Variants in SPTLC2 observed in about 807,000 individuals in gnomAD.
SPTLC2 encodes the protein serine palmitoyltransferase 2.
SPTLC2 carries 21 observed loss-of-function variants against 62.0 expected under a neutral mutation model. The observed-to-expected ratio is 0.34, with a 90% CI of 0.24 to 0.49. The LOEUF (loss-of-function observed/expected upper bound fraction) is 0.49. Ranked by LOEUF, SPTLC2 falls within the 20% of genes least tolerant of loss-of-function variation. SPTLC2 has a pLI of 0.99. For synonymous variants in SPTLC2, 261 were observed against 261.8 expected, an observed-to-expected ratio of 1.00 and a Z score of 0.03; for missense variants, 511 against 713.0, an observed-to-expected ratio of 0.72 and a Z score of 3.23.
At chr14:77,548,607 A>G (rs1459802575) in intron 9 of SPTLC2, among the ~76,000 whole-genome samples, 1 of 152,192 alleles carries the variant, frequency 6.6e-6, no homozygotes, top group Non-Finnish European at 1.5e-5. Context: ...TGTGCTCAGT[A>G]TTCCCACTCC....
At position 77,569,839 on chromosome 14, in the gene SPTLC2, C is replaced by CTATATATATTATATAAAATATT; in HGVS notation, c.756+544_756+545insAATATTTTATATAATATATATA. Among the ~76,000 whole-genome samples, 47 of 80,954 alleles carry CTATATATATTATATAAAATATT rather than the reference C, an allele frequency of 5.8e-4. 1 individual carries two copies. The highest frequency in any genetic ancestry group is 2.1e-3 in the Admixed American group (12 of 5,582). 53.1% of individuals were successfully genotyped at this position (80,954 alleles called of 152,430 possible). Reference sequence around the variant, plus strand: ...ATATGTTATATATATATATAATATACAATATTATATATATGTATATAAATA... The same window carrying CTATATATATTATATAAAATATT: ...ATATGTTATATATATATATAATATACTATATATATTATATAAAATATTAATATTATATATATGTATATAAATA... On this transcript the variant is annotated intron_variant, in intron 5 of 11. Coordinates refer to ENST00000216484, the MANE Select transcript of SPTLC2 (RefSeq NM_004863.4).
intron 7 of SPTLC2, among the ~76,000 whole-genome samples, 181 bp downstream of exon 7, chr14:77,556,860 C>T (rs918226038): frequency 5.3e-5 from 8 of 152,126 alleles, no homozygotes; most frequent in Non-Finnish European, 1.2e-4. Flanking sequence ...GAAAGAATAA[C>T]GAAGAACTAG....
At chr14:77,516,751 A>G (rs907586701) in intron 11 of SPTLC2, among the ~76,000 whole-genome samples, 3 of 152,228 alleles carry the variant, frequency 2.0e-5, no homozygotes, top group Non-Finnish European at 4.4e-5. Flanking sequence ...TCGACATGGA[A>G]AAATTTGTTA....
intron 2 of SPTLC2, among the ~76,000 whole-genome samples, chr14:77,591,281 A>AC (rs2079815000): frequency 6.6e-6 from 1 of 152,242 alleles, no homozygotes; most frequent in Non-Finnish European, 1.5e-5. Context: ...CCGAATAGTA[A>AC]ATCTACAGAG....
rs12879719 is a variant in SPTLC2, at chr14:77,568,910, C to T, written c.756+1474G>A. 5.9e-3 allele frequency among the ~76,000 whole-genome samples: 898 copies of T among 151,572 alleles called. 7 individuals are homozygous for T. The highest frequency in any genetic ancestry group is 0.016 in the African/African-American group (667 of 41,318). On this transcript the variant is annotated intron_variant, in intron 5 of 11. Coordinates refer to ENST00000216484, the MANE Select transcript of SPTLC2 (RefSeq NM_004863.4). ...TCAATTTCTGCTTCACGTACTTTGA[C>T]GCTCTGTTAATAACCCATTTATGCC... is the stretch of plus-strand genomic sequence containing the variant.
intron 1 of SPTLC2, among the ~76,000 whole-genome samples, chr14:77,615,312 G>A (rs112189763): frequency 7.2e-5 from 11 of 152,252 alleles, no homozygotes; most frequent in African/African-American, 2.6e-4. Context: ...ATCTCAACAT[G>A]ACCTGGAAAA....
At chr14:77,525,545 C>T (rs1308999094) in intron 9 of SPTLC2, among the ~76,000 whole-genome samples, 1 of 149,962 alleles carries the variant, frequency 6.7e-6, no homozygotes, top group African/African-American at 2.5e-5. Flanking sequence ...AGCGAGACTG[C>T]GCCATTGCAC....
chr14:77,581,169 A>G (rs2079748120), intron 2 of SPTLC2, among the ~76,000 whole-genome samples: 2 of 152,240 alleles, frequency 1.3e-5, no homozygotes, highest in Admixed American at 1.3e-4. Flanking sequence ...CTTGGTGCCA[A>G]TATAAATTAA....
At chr14:77,529,186 T>C (rs867994419) in intron 9 of SPTLC2, among the ~76,000 whole-genome samples, 3 of 152,074 alleles carry the variant, frequency 2.0e-5, no homozygotes, top group Non-Finnish European at 4.4e-5. Flanking sequence ...TTACTTTGGT[T>C]GGATTATACT....
intron 5 of SPTLC2, among the ~76,000 whole-genome samples, chr14:77,568,008 T>C (rs934383148): frequency 2.0e-5 from 3 of 152,180 alleles, no homozygotes; most frequent in African/African-American, 7.2e-5. Flanking sequence ...CTTTGAGCTG[T>C]CATGATGACA....
At chr14:77,614,572 G>C (rs968956913) in intron 1 of SPTLC2, among the ~76,000 whole-genome samples, 2 of 152,064 alleles carry the variant, frequency 1.3e-5, no homozygotes, top group Non-Finnish European at 2.9e-5. Context: ...GCTGAGGCAG[G>C]AGAATGGCGT....
At chr14:77,574,720 G>A (rs1310063155) in intron 4 of SPTLC2, among the ~76,000 whole-genome samples, 1 of 152,176 alleles carries the variant, frequency 6.6e-6, no homozygotes, top group African/African-American at 2.4e-5. Flanking sequence ...AAAATATTGT[G>A]CTAGTGAAGG....
At chr14:77,604,617 T>C (rs2079894939) in intron 1 of SPTLC2, among the ~76,000 whole-genome samples, 1 of 152,084 alleles carries the variant, frequency 6.6e-6, no homozygotes, top group Non-Finnish European at 1.5e-5. Flanking sequence ...CCTGTAATAC[T>C]AGCACTTTGG....
intron 9 of SPTLC2, among the ~76,000 whole-genome samples, chr14:77,551,716 G>A (rs996343797): frequency 5.3e-5 from 8 of 152,030 alleles, no homozygotes; most frequent in African/African-American, 1.9e-4. Context: ...CATTAAATCA[G>A]GAATACTAAT....
At chr14:77,608,919 AAATAATAATAATAAT>A (rs56945046) in intron 1 of SPTLC2, among the ~76,000 whole-genome samples, 1,351 of 134,594 alleles carry the variant, frequency 0.01, 27 homozygotes, top group African/African-American at 0.033. Context: ...CTCCATCTCA[AAATAATAATAATAAT>A]AATAATAATA....
At chr14:77,534,409 T>C (rs1274172149) in intron 9 of SPTLC2, among the ~76,000 whole-genome samples, 1 of 152,136 alleles carries the variant, frequency 6.6e-6, no homozygotes, top group Non-Finnish European at 1.5e-5. Flanking sequence ...ACTGTATACA[T>C]ACAGCGGTTG....
At chr14:77,514,401 A>T (rs894675392) in intron 11 of SPTLC2, among the ~76,000 whole-genome samples, 1 of 152,198 alleles carries the variant, frequency 6.6e-6, no homozygotes, top group Non-Finnish European at 1.5e-5. Flanking sequence ...ATAAGATGAC[A>T]TTCTAATGAG....
intron 1 of SPTLC2, among the ~76,000 whole-genome samples, chr14:77,605,197 G>C (rs768674159): frequency 6.1e-5 from 9 of 147,586 alleles, no homozygotes; most frequent in Non-Finnish European, 8.9e-5. Flanking sequence ...TTTTTTTTTA[G>C]ATGAGGTTTC....
chr14:77,525,895 C>CAGTG (rs979379103), intron 9 of SPTLC2, among the ~76,000 whole-genome samples: 4 of 41,034 alleles, frequency 9.7e-5, no homozygotes, highest in African/African-American at 2.8e-4. Flanking sequence ...GCCTGGGTGA[C>CAGTG]AGAGACTCCA....
Sources: gnomAD v4.1 joint callset for allele counts (sites outside exome capture counted in the v4.1 genomes callset) on GRCh38, gnomAD v4.1.1 for gene constraint, MANE v1.5 for transcripts, NCBI Gene and HGNC (gene_info 2026-07-23, HGNC 2026-07-21) for gene names.